Variants in FOXN3 observed in about 807,000 individuals in gnomAD.
The protein encoded by FOXN3 is forkhead box N3.
A neutral mutation model predicts 38.4 loss-of-function variants in FOXN3; 7 were observed. The ratio of observed to expected loss-of-function variants is 0.18; its 90% confidence interval spans 0.10 to 0.34. FOXN3 has a LOEUF of 0.34. Ranked by LOEUF, FOXN3 falls within the 10% of genes least tolerant of loss-of-function variation. FOXN3 has a pLI of 1.00. For synonymous variants in FOXN3, 230 were observed against 242.2 expected (o/e 0.95, Z 0.47); for missense variants, 456 against 613.4 (o/e 0.74, Z 2.71).
chr14:89,544,891 C>T (rs1424343338), intron 1 of FOXN3, among the ~76,000 whole-genome samples: 3 of 152,324 alleles, frequency 2.0e-5, no homozygotes, highest in Middle Eastern at 3.4e-3. Flanking sequence ...CTGAAATATA[C>T]ACTGTTCATT....
chr14:89,538,052 G>A (rs1386108469), intron 1 of FOXN3, among the ~76,000 whole-genome samples: 1 of 152,248 alleles, frequency 6.6e-6, no homozygotes, highest in South Asian at 2.1e-4. Context: ...GACAACAGGA[G>A]GTATCATTTT....
chr14:89,300,460 G>C (rs1385632201), intron 3 of FOXN3, among the ~76,000 whole-genome samples: 1 of 152,194 alleles, frequency 6.6e-6, no homozygotes, highest in Non-Finnish European at 1.5e-5. Context: ...GGGTTTACAG[G>C]CGTGAGCCAC....
chr14:89,512,956 T>C lies in FOXN3; in HGVS notation c.-14-100466A>G, dbSNP rs142683097. On this transcript the variant is annotated intron_variant, in intron 1 of 6. Coordinates refer to the FOXN3 transcript ENST00000345097. ...GAGTTCAAGACCAGCCTGGCCAAGATGGTGAAACCCCTGTCTCTGCTAAAA... is the reference window on the plus strand; with the variant it reads ...GAGTTCAAGACCAGCCTGGCCAAGACGGTGAAACCCCTGTCTCTGCTAAAA... 4.7e-3 allele frequency among the ~76,000 whole-genome samples: 716 copies of C among 152,044 alleles called. 7 individuals carry two copies. The highest frequency in any genetic ancestry group is 0.016 in the African/African-American group (679 of 41,446).
chr14:89,179,482 C>T (rs1056685766), intron 5 of FOXN3, among the ~76,000 whole-genome samples: 8 of 152,132 alleles, frequency 5.3e-5, no homozygotes, highest in African/African-American at 1.2e-4. Flanking sequence ...GATCCGTAAA[C>T]GCAGAAGGAG....
At position 89,280,961 on chromosome 14, in the gene FOXN3, G is replaced by A; in HGVS notation, c.734C>T (p.Ala245Val). 3 of 1,613,742 alleles carry A rather than the reference G, an allele frequency of 1.9e-6. No homozygotes were observed. The highest frequency in any genetic ancestry group is 2.5e-6 in the Non-Finnish European group (3 of 1,179,854). Residue 245 changes from alanine to valine, a missense_variant, in exon 4 of 6, where the codon GCC becomes GTC. Ala to Val is a moderately conservative substitution (Grantham distance 64, BLOSUM62 0). Around this residue, in one of 3 missense-constraint regions of FOXN3, gnomAD observed 386 missense variants for 505.2 expected, o/e 0.76. Transcript: ENST00000557258. ...TACTAGGGACCTACCTTGGAGAAGG[G>A]CTCCATTTCTCTTGAAGAAGGTACT... ...PGSTFFKRNG[A>V]LLQVPPGVIQ... is the part of the protein sequence containing the mutation.
chr14:89,418,271 G>T (rs536235142), upstream of FOXN3, among the ~76,000 whole-genome samples: 2 of 152,018 alleles, frequency 1.3e-5, no homozygotes, highest in Non-Finnish European at 2.9e-5. Flanking sequence ...CATCGTGAGC[G>T]GTCTGAAAAC....
At chr14:89,347,649 G>A (rs1200417121) in intron 3 of FOXN3, among the ~76,000 whole-genome samples, 1 of 152,194 alleles carries the variant, frequency 6.6e-6, no homozygotes, top group African/African-American at 2.4e-5. Context: ...ATTCAAAAGG[G>A]CACTTTAGAA....
At chr14:89,286,286 G>C (rs976092922) in intron 3 of FOXN3, among the ~76,000 whole-genome samples, 4 of 152,092 alleles carry the variant, frequency 2.6e-5, no homozygotes, top group African/African-American at 9.7e-5. Flanking sequence ...AAAGTGCTTG[G>C]GGCGGGAAGA....
At chr14:89,607,017 C>A (rs1431407201) in intron 1 of FOXN3, among the ~76,000 whole-genome samples, 2 of 151,994 alleles carry the variant, frequency 1.3e-5, no homozygotes, top group Admixed American at 6.5e-5. Context: ...TTATTAATAA[C>A]CAAGAAAATT....
rs1465747127 is a variant in FOXN3, at chr14:89,162,287, G to A, written c.*127C>T. ...AAAACAAAATAAAAGGAAAAGAAAA[G>A]AAAGAAAACCAAACCAAAAACAAGA... On this transcript the variant is annotated 3_prime_UTR_variant, in exon 6 of 6. Coordinates refer to ENST00000557258, the MANE Select transcript of FOXN3 (RefSeq NM_005197.4). This position sits in a 1 kb window ranked among gnomAD's most constrained non-coding sequence, Gnocchi z 7.2. 1.3e-6 allele frequency: 1 copy of A among 766,904 alleles called. No homozygotes were observed. Among genetic ancestry groups the A allele is most frequent in the Non-Finnish European group, 2.0e-6 (1 of 506,388 alleles). 47.5% of individuals were successfully genotyped at this position (766,904 alleles called of 1,614,324 possible).
chr14:89,434,661 C>G (rs1210517552), intron 1 of FOXN3, among the ~76,000 whole-genome samples: 2 of 152,290 alleles, frequency 1.3e-5, no homozygotes, highest in East Asian at 3.9e-4. Context: ...TAGAGGTACC[C>G]ATTTTCAACT....
At chr14:89,475,137 A>C (rs1190752386) in intron 1 of FOXN3, among the ~76,000 whole-genome samples, 2 of 152,164 alleles carry the variant, frequency 1.3e-5, no homozygotes, top group Non-Finnish European at 2.9e-5. Context: ...TCTTAAGGAA[A>C]CAACAAATCC....
intron 4 of FOXN3, among the ~76,000 whole-genome samples, chr14:89,217,284 C>A (rs1884314486): frequency 1.3e-5 from 2 of 152,140 alleles, no homozygotes; most frequent in African/African-American, 4.8e-5. Context: ...GGACTACAGG[C>A]ACCTGCCACC....
At chr14:89,603,969 C>G (rs539321109) in intron 1 of FOXN3, among the ~76,000 whole-genome samples, 1 of 152,234 alleles carries the variant, frequency 6.6e-6, no homozygotes, top group African/African-American at 2.4e-5. Flanking sequence ...AGGGAAAAGT[C>G]TTTACTAAAA....
Position 89,412,431 on chromosome 14 carries a change from T to C in FOXN3, c.46A>G (p.Ile16Val). The C allele has an allele frequency of 2.5e-6, 4 of 1,612,014 alleles. No individual in the cohort carries two copies. The highest frequency in any genetic ancestry group is 3.4e-6 in the Non-Finnish European group (4 of 1,178,308). Residue 16 changes from isoleucine to valine, a missense_variant, in exon 2 of 6, where the codon ATT (isoleucine) becomes GTT (valine). This residue lies in a region of FOXN3 where 59 missense variants were observed against 69.0 expected (regional missense o/e 0.85). Coordinates refer to ENST00000557258, the MANE Select transcript of FOXN3 (RefSeq NM_005197.4). The surrounding 1 kb of genome is among the most constrained non-coding windows in gnomAD (Gnocchi z 4.7). ...TGACTCAGTCCACTGGAGACACTAA[T>C]TCCTGAGCTTTCTGGCTTCTTACTG... Reference protein sequence around the residue: ...PPSKKPESSGISVSSGLSQCY... With the variant: ...PPSKKPESSGVSVSSGLSQCY...
intron 2 of FOXN3, among the ~76,000 whole-genome samples, chr14:89,407,304 A>G (rs904765818): frequency 6.6e-6 from 1 of 152,236 alleles, no homozygotes; most frequent in Non-Finnish European, 1.5e-5. Flanking sequence ...GGAGTGCTGC[A>G]GACTGACACA....
chr14:89,557,388 C>T (rs141711622), intron 1 of FOXN3, among the ~76,000 whole-genome samples: 2 of 152,190 alleles, frequency 1.3e-5, no homozygotes, highest in East Asian at 3.9e-4. Flanking sequence ...TGATGGAGCT[C>T]CTGTCCCATA....
chr14:89,202,452 A>C (rs1888259538), intron 4 of FOXN3, among the ~76,000 whole-genome samples: 1 of 152,146 alleles, frequency 6.6e-6, no homozygotes, highest in Non-Finnish European at 1.5e-5. Flanking sequence ...TGATTTCCTT[A>C]CTAGAAAGCT....
chr14:89,578,421 C>CTCTTT (rs1445116463), intron 1 of FOXN3, among the ~76,000 whole-genome samples: 1 of 152,116 alleles, frequency 6.6e-6, no homozygotes, highest in Non-Finnish European at 1.5e-5. Flanking sequence ...CTTCTAGCTA[C>CTCTTT]AGACACCGCG....
Sources: allele counts gnomAD v4.1 joint callset (sites outside exome capture counted in the v4.1 genomes callset), GRCh38; gene constraint gnomAD v4.1.1; regional missense constraint gnomAD v4.1.1; non-coding constraint Gnocchi (gnomAD v3.1); transcripts MANE v1.5; gene names NCBI Gene and HGNC (gene_info 2026-07-23, HGNC 2026-07-21).